The following PCDHA1 variants were observed in gnomAD, a reference collection of about 807,000 sequenced individuals.
PCDHA1 encodes protocadherin alpha 1, also known as protocadherin alpha-1.
A neutral mutation model predicts 61.3 loss-of-function variants in PCDHA1; 42 were observed. The ratio of observed to expected loss-of-function variants is 0.69; its 90% CI spans 0.54 to 0.89. The LOEUF is 0.89. PCDHA1 is among the 40% of genes least tolerant of loss of function. The pLI is 0.00. For missense variants in PCDHA1, 1,256 were observed against 1,235.3 expected (o/e 1.02, Z -0.25); for synonymous variants, 610 against 553.8 (o/e 1.10, Z -1.43).
Position 140,879,462 on chromosome 5 carries a change from G to A in PCDHA1, c.2394+90778G>A, listed in dbSNP as rs927340529. 2.0e-5 allele frequency among the ~76,000 whole-genome samples: 3 copies of A among 152,180 alleles called. No individual in the cohort carries two copies. The South Asian group carries it at 6.2e-4, about 32-fold the overall frequency. ...AAAATGTTACTTTGAAGTCCTAAGAGAATACCGTTGTGATTGGAAATATGG... is the reference window on the plus strand; with the variant it reads ...AAAATGTTACTTTGAAGTCCTAAGAAAATACCGTTGTGATTGGAAATATGG... On this transcript the variant is annotated intron_variant, in intron 1 of 3. Coordinates refer to ENST00000504120, the MANE Select transcript of PCDHA1 (RefSeq NM_018900.4).
chr5:140,970,881 C>T (rs1316692542), intron 1 of PCDHA1, among the ~76,000 whole-genome samples: 1 of 152,050 alleles, frequency 6.6e-6, no homozygotes, highest in Non-Finnish European at 1.5e-5. Flanking sequence ...GTAGATTTTT[C>T]TCATGGACAT....
chr5:140,829,141 A>G, intron 1 of PCDHA1: 1 of 1,613,462 alleles, frequency 6.2e-7, no homozygotes, highest in Non-Finnish European at 8.5e-7. Flanking sequence ...TCCCTGAGAT[A>G]GCACTGACTT....
chr5:141,004,806 T>C (rs1326385428), intron 3 of PCDHA1, among the ~76,000 whole-genome samples: 1 of 152,196 alleles, frequency 6.6e-6, no homozygotes, highest in Non-Finnish European at 1.5e-5. Flanking sequence ...CTGAGCTCAA[T>C]TGCAGATTTG....
At chr5:140,869,100 TGCGATGTTTGGTTTTCAGAGAAGG>T (rs1554162487) in intron 1 of PCDHA1, 1 of 1,596,924 alleles carries the variant, frequency 6.3e-7, no homozygotes, top group South Asian at 1.1e-5. Flanking sequence ...CAATTTCGTA[TGCGATGTTTGGTTTTCAGAGAAGG>T]GGATTGGGCA....
chr5:140,937,378 G>T (rs1248709474), intron 1 of PCDHA1, among the ~76,000 whole-genome samples: 1 of 152,130 alleles, frequency 6.6e-6, no homozygotes, highest in African/African-American at 2.4e-5. Context: ...GTTTATGTGT[G>T]TGTATGTGTA....
chr5:140,902,676 C>T (rs781793838), intron 1 of PCDHA1, among the ~76,000 whole-genome samples: 7 of 152,040 alleles, frequency 4.6e-5, no homozygotes, highest in Non-Finnish European at 7.4e-5. Context: ...CAGTGTACAC[C>T]GTACCTAATA....
chr5:140,808,420 T>G, intron 1 of PCDHA1: 1 of 1,614,142 alleles, frequency 6.2e-7, no homozygotes, highest in Non-Finnish European at 8.5e-7. Flanking sequence ...TGCTGGACAG[T>G]GCCCTGGACC....
chr5:140,999,265 A>G (rs1554256725), intron 3 of PCDHA1, among the ~76,000 whole-genome samples: 1 of 152,226 alleles, frequency 6.6e-6, no homozygotes, highest in African/African-American at 2.4e-5. Flanking sequence ...GTAAAGGAAT[A>G]CTGCATAGTA....
chr5:140,937,567 G>A lies in PCDHA1; in HGVS notation c.2395-41382G>A, dbSNP rs1218260457. On this transcript the variant is annotated intron_variant, in intron 1 of 3. Transcript: ENST00000504120. ...GCGAGGCAGAGGTTGCAGTGAGCTG[G>A]GATCGCGTCACTGCACTCTAGCCTG... 1.9e-3 allele frequency among the ~76,000 whole-genome samples: 288 copies of A among 150,684 alleles called. 1 individual carries two copies. Among genetic ancestry groups the A allele is most frequent in the African/African-American group, 6.8e-3 (278 of 40,792 alleles).
chr5:140,877,558 A>G (rs782179941), intron 1 of PCDHA1: 7 of 1,613,628 alleles, frequency 4.3e-6, no homozygotes, highest in Non-Finnish European at 5.9e-6. Flanking sequence ...TCTGGTGGAT[A>G]TTAACGTGTA....
chr5:140,841,454 G>A, intron 1 of PCDHA1: 1 of 1,612,938 alleles, frequency 6.2e-7, no homozygotes, highest in Non-Finnish European at 8.5e-7. Context: ...CGGCACCTTC[G>A]TGGGCCGGAT....
At chr5:140,803,772 T>A in intron 1 of PCDHA1, 1 of 1,050,610 alleles carries the variant, frequency 9.5e-7, no homozygotes, top group Non-Finnish European at 1.3e-6. Flanking sequence ...TTGAACCAAA[T>A]CAGCAGTAAG....
At chr5:140,809,629 T>C in intron 1 of PCDHA1, 9 of 1,505,976 alleles carry the variant, frequency 6.0e-6, no homozygotes, top group Non-Finnish European at 8.0e-6. Context: ...TATCAACTTC[T>C]TCGTAAATTT....
chr5:140,838,018 T>TACAG (rs1484069937), intron 1 of PCDHA1, among the ~76,000 whole-genome samples: 1 of 151,286 alleles, frequency 6.6e-6, no homozygotes, highest in East Asian at 1.9e-4. Flanking sequence ...AAGAAGTGAT[T>TACAG]ACAGTAGAAA....
At chr5:140,811,325 A>G (rs1347665157) in intron 1 of PCDHA1, 1 of 152,238 alleles carries the variant, frequency 6.6e-6, no homozygotes, top group Non-Finnish European at 1.5e-5. Flanking sequence ...ATGTCTCTAC[A>G]AAGGACATGA....
chr5:140,912,359 G>A (rs1483575347), intron 1 of PCDHA1, among the ~76,000 whole-genome samples: 1 of 131,950 alleles, frequency 7.6e-6, no homozygotes, highest in Non-Finnish European at 1.6e-5. Context: ...TTTTTTTTTT[G>A]CAGCTGTTGT....
Position 140,802,302 on chromosome 5 carries a change from A to G in PCDHA1, c.2394+13618A>G, listed in dbSNP as rs782478059. On this transcript the variant is annotated intron_variant, in intron 1 of 3. Coordinates refer to ENST00000504120, the MANE Select transcript of PCDHA1 (RefSeq NM_018900.4). ...AGAAGACTCTCCACTTAGCACAGTCATCGCTCTGATCAGCGTGTCCGACCG... is the reference window on the plus strand; with the variant it reads ...AGAAGACTCTCCACTTAGCACAGTCGTCGCTCTGATCAGCGTGTCCGACCG... 1.2e-6 allele frequency: 2 copies of G among 1,614,136 alleles called. No homozygotes were observed. Among genetic ancestry groups the G allele is most frequent in the African/African-American group, 2.7e-5 (2 of 74,950 alleles).
At chr5:140,823,589 GGCTTTCGTATGA>G (rs1456644186) in intron 1 of PCDHA1, 1 of 1,613,884 alleles carries the variant, frequency 6.2e-7, no homozygotes, top group Non-Finnish European at 8.5e-7. Flanking sequence ...TACAACGCTT[GGCTTTCGTATGA>G]GCTGCAGCCA....
intron 1 of PCDHA1, chr5:140,829,396 G>C (rs2150167101): frequency 1.9e-6 from 3 of 1,614,054 alleles, no homozygotes; most frequent in Non-Finnish European, 2.5e-6. Flanking sequence ...CGCCTTCGCT[G>C]TGGGCCACCG....
Sources: allele counts gnomAD v4.1 joint callset (sites outside exome capture counted in the v4.1 genomes callset), GRCh38; gene constraint gnomAD v4.1.1; transcripts MANE v1.5; gene names NCBI Gene and HGNC (gene_info 2026-07-23, HGNC 2026-07-21).